The following RUNX1 variants were observed in gnomAD, a reference collection of about 807,000 sequenced individuals.
RUNX1 encodes the protein runt-related transcription factor 1.
A neutral mutation model predicts 42.8 loss-of-function variants in RUNX1; 19 were observed. That is an observed-to-expected ratio of 0.44 (90% confidence interval 0.31 to 0.65). The LOEUF is 0.65. Among genes scored for constraint, RUNX1 ranks in the 30% least tolerant of loss-of-function variants. The pLI is 0.07. For synonymous variants in RUNX1, 271 were observed against 289.4 expected (o/e 0.94, Z 0.64); for missense variants, 528 against 672.0 (o/e 0.79, Z 2.37).
intron 2 of RUNX1, among the ~76,000 whole-genome samples, chr21:34,987,881 T>G (rs888828363): frequency 5.3e-5 from 8 of 152,200 alleles, no homozygotes; most frequent in African/African-American, 1.9e-4. Flanking sequence ...TCTTGTGTGA[T>G]GCCAGAGATC....
chr21:34,957,151 A>T (rs1199292413), intron 2 of RUNX1, among the ~76,000 whole-genome samples: 1 of 152,164 alleles, frequency 6.6e-6, no homozygotes, highest in Non-Finnish European at 1.5e-5. Context: ...CCTCTCTGCC[A>T]AATAGGGAGA....
At chr21:35,013,381 A>G (rs957541676) in intron 2 of RUNX1, among the ~76,000 whole-genome samples, 3 of 152,248 alleles carry the variant, frequency 2.0e-5, no homozygotes, top group Non-Finnish European at 2.9e-5. Flanking sequence ...TTATAACTGA[A>G]TATCAACTGA....
At chr21:34,937,201 T>A (rs1406951985) in intron 2 of RUNX1, among the ~76,000 whole-genome samples, 1 of 152,064 alleles carries the variant, frequency 6.6e-6, no homozygotes, top group Admixed American at 6.6e-5. Flanking sequence ...TGCAACATTC[T>A]CTGTTTAATG....
chr21:34,967,448 G>A (rs980336671), intron 2 of RUNX1, among the ~76,000 whole-genome samples: 1 of 150,238 alleles, frequency 6.7e-6, no homozygotes, highest in Non-Finnish European at 1.5e-5. Context: ...TGCCACGTCA[G>A]TGTCACGGGG....
chr21:34,985,527 T>G (rs2058879303), intron 2 of RUNX1, among the ~76,000 whole-genome samples: 1 of 152,156 alleles, frequency 6.6e-6, no homozygotes, highest in South Asian at 2.1e-4. Context: ...CTCTGAAAGC[T>G]CTCAGCCCAT....
chr21:34,952,457 G>A lies in RUNX1; in HGVS notation c.59-59494C>T, dbSNP rs970418631. On this transcript the variant is annotated intron_variant, in intron 2 of 8. Coordinates refer to ENST00000675419, the MANE Select transcript of RUNX1 (RefSeq NM_001754.5). The stretch of plus-strand genomic sequence containing the variant: ...GTATGGAATTGGCCTGTCATTATAC[G>A]GGGGTACCTGAGGTGGCAATTTGGC... Among the ~76,000 whole-genome samples, 10 of 151,956 alleles carry A rather than the reference G, an allele frequency of 6.6e-5. No homozygotes were observed. The East Asian group carries it at 7.7e-4, about 12-fold the overall frequency.
intron 2 of RUNX1, among the ~76,000 whole-genome samples, chr21:35,045,798 A>G (rs564162397): frequency 1.8e-4 from 28 of 152,308 alleles, no homozygotes; most frequent in African/African-American, 6.7e-4. Context: ...TACTTTATAC[A>G]TGCAGCTTTG....
chr21:34,932,724 CCT>C (rs138541385), intron 2 of RUNX1, among the ~76,000 whole-genome samples: 6,078 of 152,094 alleles, frequency 0.04, 373 homozygotes, highest in African/African-American at 0.14. Context: ...AAATTTTACC[CCT>C]GTTTGTTTCC....
At chr21:35,031,425 G>A (rs972902467) in intron 2 of RUNX1, among the ~76,000 whole-genome samples, 1 of 151,870 alleles carries the variant, frequency 6.6e-6, no homozygotes, top group African/African-American at 2.4e-5. Flanking sequence ...ACTCTTGGTG[G>A]GAAGCCATTA....
Position 34,918,127 on chromosome 21 carries a change from C to CAAAAA in RUNX1, c.59-25169_59-25165dup, listed in dbSNP as rs71324335. On this transcript the variant is annotated intron_variant, in intron 2 of 8. Transcript: ENST00000675419. The stretch of plus-strand genomic sequence containing the variant: ...TGGGTGACAGGGTGAGACTCTGTCT[C>CAAAAA]AAAAAAAAAAAAAAAAAAAAAAGTC... Among the ~76,000 whole-genome samples, 43 of 71,232 alleles carry CAAAAA rather than the reference C, an allele frequency of 6.0e-4. 1 individual carries two copies. Among genetic ancestry groups the CAAAAA allele is most frequent in the Middle Eastern group, 8.6e-3 (1 of 116 alleles). The allele number at this position is 71,232 out of a possible 152,430, so 46.7% of individuals were successfully genotyped here. A position where few individuals can be genotyped will look rare whatever the true frequency, so the allele number is the denominator to read the frequency against.
chr21:34,805,966 C>T (rs1282298073), intron 7 of RUNX1, among the ~76,000 whole-genome samples: 1 of 151,694 alleles, frequency 6.6e-6, no homozygotes, highest in East Asian at 1.9e-4. Context: ...AGGGCAGTAA[C>T]TAAAAACATT....
chr21:35,048,913 A>T lies in RUNX1; in HGVS notation c.-14T>A, dbSNP rs770699209. 1 of 1,613,114 alleles carries T rather than the reference A, an allele frequency of 6.2e-7. No homozygotes were observed. Among genetic ancestry groups the T allele is most frequent in the South Asian group, 1.1e-5 (1 of 91,062 alleles). ...GTCTGAAGCCATCGCTTCCTCCTGAAAATGCACCCTCTTCTGAAGGCGGGG... is the reference window on the plus strand; with the variant it reads ...GTCTGAAGCCATCGCTTCCTCCTGATAATGCACCCTCTTCTGAAGGCGGGG... On this transcript the variant is annotated 5_prime_UTR_variant, in exon 2 of 9. Transcript: ENST00000675419.
intron 2 of RUNX1, among the ~76,000 whole-genome samples, chr21:34,920,245 T>G (rs1445146139): frequency 6.6e-6 from 1 of 152,230 alleles, no homozygotes; most frequent in African/African-American, 2.4e-5. Flanking sequence ...CTTTTGTTTC[T>G]TTCACTATTT....
intron 6 of RUNX1, among the ~76,000 whole-genome samples, chr21:34,845,867 G>A (rs948373057): frequency 6.6e-6 from 1 of 152,182 alleles, no homozygotes; most frequent in African/African-American, 2.4e-5. Flanking sequence ...TCTCTGCCTT[G>A]TTTTCTTTGG....
chr21:34,849,433 T>TTA (rs1179313595), intron 6 of RUNX1, among the ~76,000 whole-genome samples: 1 of 47,462 alleles, frequency 2.1e-5, no homozygotes, highest in African/African-American at 7.7e-5. Context: ...AGTATATATA[T>TTA]TATATATATA....
At chr21:34,972,755 G>A (rs755077715) in intron 2 of RUNX1, among the ~76,000 whole-genome samples, 5 of 152,172 alleles carry the variant, frequency 3.3e-5, no homozygotes, top group Non-Finnish European at 7.3e-5. Context: ...GATTGGTGGT[G>A]TGCAGCCTTC....
intron 2 of RUNX1, among the ~76,000 whole-genome samples, chr21:34,933,746 C>A (rs1335828187): frequency 2.0e-5 from 3 of 152,216 alleles, no homozygotes; most frequent in African/African-American, 7.2e-5. Context: ...CCACTCCAGA[C>A]CTTCCTGGCT....
chr21:35,006,004 T>A (rs2059081491), intron 2 of RUNX1, among the ~76,000 whole-genome samples: 1 of 152,198 alleles, frequency 6.6e-6, no homozygotes, highest in Non-Finnish European at 1.5e-5. Context: ...GAAGCATCTC[T>A]CCAGGGTCTC....
chr21:34,929,592 A>G (rs1481988833), intron 2 of RUNX1, among the ~76,000 whole-genome samples: 1 of 152,214 alleles, frequency 6.6e-6, no homozygotes, highest in Non-Finnish European at 1.5e-5. Flanking sequence ...GAACAACATG[A>G]CACTGGAGAC....
Sources: allele counts gnomAD v4.1 joint callset (sites outside exome capture counted in the v4.1 genomes callset), GRCh38; gene constraint gnomAD v4.1.1; transcripts MANE v1.5; gene names NCBI Gene and HGNC (gene_info 2026-07-23, HGNC 2026-07-21).